Variants in HERC5 observed in about 807,000 individuals in gnomAD.
HERC5 encodes the protein E3 ISG15--protein ligase HERC5.
A neutral mutation model predicts 119.6 loss-of-function variants in HERC5; 99 were observed. The ratio of observed to expected loss-of-function variants is 0.83; its 90% CI spans 0.70 to 0.98. The LOEUF is 0.98. Ranked by LOEUF, HERC5 falls within the 50% of genes least tolerant of loss-of-function variation. The pLI is 0.00. For synonymous variants in HERC5, 478 were observed against 445.9 expected, an observed-to-expected ratio of 1.07 and a Z score of -0.91; for missense variants, 1,267 against 1,241.3, an observed-to-expected ratio of 1.02 and a Z score of -0.31.
intron 20 of HERC5, among the ~76,000 whole-genome samples, chr4:88,503,005 G>A (rs771140568): frequency 1.3e-4 from 19 of 151,870 alleles, no homozygotes; most frequent in Admixed American, 5.2e-4. Flanking sequence ...ATTTGTAATT[G>A]TAATGTAGTC....
At chr4:88,488,513 G>A (rs1301027944) in intron 15 of HERC5, among the ~76,000 whole-genome samples, 2 of 152,024 alleles carry the variant, frequency 1.3e-5, no homozygotes, top group African/African-American at 4.8e-5. Flanking sequence ...ATTAACAGGC[G>A]TGAGCCACCG....
rs780439103 is a variant in HERC5 at position 88,470,630 on chromosome 4, T to G, written c.1255T>G (p.Phe419Val). ...QSTKREIQEI[F>V]SSPACLTGSF... ...CTAATATAGGGAAATCCAAGAGATA[T>G]TTTCATCTCCTGCTTGTCTAACTGG... Residue 419 changes from phenylalanine (F) to valine (V), a missense_variant, in exon 10 of 23, where the codon TTT becomes GTT. This residue lies in a region of HERC5 where 777 missense variants were observed against 758.0 expected (regional missense o/e 1.03). Transcript: ENST00000264350. The G allele has an allele frequency of 1.3e-6, 2 of 1,512,424 alleles. No individual in the cohort carries two copies. The highest frequency in any genetic ancestry group is 1.8e-6 in the Non-Finnish European group (2 of 1,092,880). 93.7% of individuals were successfully genotyped at this position (1,512,424 alleles called of 1,614,324 possible).
Position 88,489,176 on chromosome 4 carries a change from A to G in HERC5, c.1973A>G (p.His658Arg), listed in dbSNP as rs200086017. 27 of 1,608,806 alleles carry G rather than the reference A, an allele frequency of 1.7e-5. No individual in the cohort carries two copies. The highest frequency in any genetic ancestry group is 6.7e-5 in the South Asian group (6 of 89,682). ...TTTCTGTTTTCCTAGAGTAAAAAAC[A>G]TAAAGCTTATCTTAGGTCGGCAGCA... ...DTLLKIESKKHKAYLRSAAIE... is the reference protein window; with the variant it reads ...DTLLKIESKKRKAYLRSAAIE... Residue 658 changes from histidine (H) to arginine (R), a missense_variant, in exon 16 of 23, where the codon CAT becomes CGT. His to Arg is a conservative substitution (Grantham distance 29). Coordinates refer to ENST00000264350, the MANE Select transcript of HERC5 (RefSeq NM_016323.4).
chr4:88,503,835 G>A (rs1250617666), intron 20 of HERC5, among the ~76,000 whole-genome samples: 1 of 152,140 alleles, frequency 6.6e-6, no homozygotes, highest in Non-Finnish European at 1.5e-5. Context: ...GGGAGGCCGA[G>A]GCAGGCAAAT....
In HERC5 at chr4:88,471,533, G is replaced by T. The variant is rs527395255; in HGVS notation, c.1298+860G>T. ...TTTTTTAGCTTTTGTAAAGACAGCA[G>T]CTTTGCTATGTTGCCCAGGCTGGTC... On this transcript the variant is annotated intron_variant, in intron 10 of 22. Transcript: ENST00000264350. Among the ~76,000 whole-genome samples, 9 of 151,382 alleles carry T rather than the reference G, an allele frequency of 5.9e-5. No homozygotes were observed. In the East Asian group the frequency reaches 6.0e-4, roughly 10 times the overall value.
rs1213235932 is a variant in HERC5, at chr4:88,506,065, C to T, written c.*187C>T. ...GAGGGTTTACTGGCCGGTTAGAACCCGTGACTGTATTCTCTCCCTTGGATA... is the reference window on the plus strand; with the variant it reads ...GAGGGTTTACTGGCCGGTTAGAACCTGTGACTGTATTCTCTCCCTTGGATA... On this transcript the variant is annotated 3_prime_UTR_variant, in exon 23 of 23. Coordinates refer to ENST00000264350, the MANE Select transcript of HERC5 (RefSeq NM_016323.4). 1.5e-5 allele frequency: 9 copies of T among 589,078 alleles called. No homozygotes were observed. The highest frequency in any genetic ancestry group is 2.1e-5 in the Non-Finnish European group (7 of 333,062). The allele number at this position is 589,078 out of a possible 1,614,324, so 36.5% of individuals were successfully genotyped here. A position where few individuals can be genotyped will look rare whatever the true frequency, so the allele number is the denominator to read the frequency against.
At chr4:88,471,791 G>A (rs1220751031) in intron 10 of HERC5, among the ~76,000 whole-genome samples, 2 of 151,990 alleles carry the variant, frequency 1.3e-5, no homozygotes, top group Non-Finnish European at 2.9e-5. Flanking sequence ...TCCATTTAAC[G>A]GGAAGAAATG....
intron 12 of HERC5, among the ~76,000 whole-genome samples, chr4:88,477,547 GGGGGAGGGGAAGGGGAAGGGA>G (rs1412831175): frequency 9.9e-6 from 1 of 100,824 alleles, no homozygotes; most frequent in African/African-American, 3.8e-5. Flanking sequence ...AAGGGGAAGT[GGGGGAGGGGAAGGGGAAGGGA>G]GGGGAGGGGA....
At chr4:88,469,041 G>A in intron 8 of HERC5, 116 bp from the exon 9 acceptor site, 1 of 628,138 alleles carries the variant, frequency 1.6e-6, no homozygotes, top group Non-Finnish European at 2.8e-6. Flanking sequence ...GATTGTCCCA[G>A]GGCTGTATTA....
At chr4:88,475,515 C>T (rs1318399891) in intron 11 of HERC5, among the ~76,000 whole-genome samples, 1 of 151,936 alleles carries the variant, frequency 6.6e-6, no homozygotes, top group Non-Finnish European at 1.5e-5. Flanking sequence ...GACAGGGTTT[C>T]ACCATGTTGG....
Position 88,469,295 on chromosome 4 carries a change from C to A in HERC5, c.1238+35C>A, listed in dbSNP as rs774700186. On this transcript the variant is annotated intron_variant, in intron 9 of 22. Transcript: ENST00000264350. ...ACAGTCTGACTCTCTGCTTATATATCACTCTCAAGTATCATTTCCCAAACT... is the reference window on the plus strand; with the variant it reads ...ACAGTCTGACTCTCTGCTTATATATAACTCTCAAGTATCATTTCCCAAACT... The A allele has an allele frequency of 1.2e-5, 16 of 1,373,266 alleles. No homozygotes were observed. In the South Asian group the frequency reaches 1.6e-4, roughly 14 times the overall value. The allele number at this position is 1,373,266 out of a possible 1,614,324, so 85.1% of individuals were successfully genotyped here.
In HERC5 at chr4:88,487,110, C is replaced by T. The variant is rs1360430152; in HGVS notation, c.1893C>T (p.His631=). Residue 631 remains histidine, a synonymous_variant, in exon 15 of 23, where the codon CAC becomes CAT. Coordinates refer to ENST00000264350, the MANE Select transcript of HERC5 (RefSeq NM_016323.4). Reference sequence around the variant, plus strand: ...TACAATGCTGCGTCATATTCAGTCACTTTCCATTTATCTTTAATAATCTGT... The same window carrying T: ...TACAATGCTGCGTCATATTCAGTCATTTTCCATTTATCTTTAATAATCTGT... ...ENVQCCVIFS[H]FPFIFNNLSK... 1 of 1,611,878 alleles carries T rather than the reference C, an allele frequency of 6.2e-7. No homozygotes were observed. The highest frequency in any genetic ancestry group is 8.5e-7 in the Non-Finnish European group (1 of 1,178,812).
In HERC5 at chr4:88,499,680, A is replaced by G. The variant is rs868343540; in HGVS notation, c.2445-246A>G. 3.3e-5 allele frequency among the ~76,000 whole-genome samples: 5 copies of G among 152,360 alleles called. No individual in the cohort carries two copies. In the South Asian group the frequency reaches 8.3e-4, roughly 25 times the overall value. On this transcript the variant is annotated intron_variant, in intron 18 of 22. Transcript: ENST00000264350. The stretch of plus-strand genomic sequence containing the variant: ...CTACAATCATTAGGTAGGGAATTTA[A>G]GGTAAAGGAACAAGAGCTGTGAAGC...
rs202082513 is a variant in HERC5, at chr4:88,500,017, C to T, written c.2511+25C>T. ...TGTGAGTAACAATAAAAGCAGATAA[C>T]AGATTAGTTTTAATCTGATTAACCC... On this transcript the variant is annotated intron_variant, in intron 19 of 22. Coordinates refer to ENST00000264350, the MANE Select transcript of HERC5 (RefSeq NM_016323.4). 611 of 1,438,084 alleles carry T rather than the reference C, an allele frequency of 4.2e-4. 5 individuals carry two copies. The highest frequency in any genetic ancestry group is 2.2e-4 in the Admixed American group (13 of 59,338). The allele number at this position is 1,438,084 out of a possible 1,614,324, so 89.1% of individuals were successfully genotyped here.
intron 18 of HERC5, 136 bp downstream of exon 18, chr4:88,494,467 A>G: frequency 1.4e-6 from 1 of 728,982 alleles, no homozygotes; most frequent in East Asian, 2.8e-5. Context: ...AACTTTGACA[A>G]GAATTGTTGG....
At chr4:88,471,248 G>A (rs1431137289) in intron 10 of HERC5, among the ~76,000 whole-genome samples, 1 of 152,042 alleles carries the variant, frequency 6.6e-6, no homozygotes, top group Non-Finnish European at 1.5e-5. Flanking sequence ...GGGATTTCAG[G>A]TGTAAGCCAC....
chr4:88,471,448 C>A (rs2149092818), intron 10 of HERC5, among the ~76,000 whole-genome samples: 1 of 152,094 alleles, frequency 6.6e-6, no homozygotes. Context: ...TCAAGCAAAA[C>A]TCCCACCTTA....
At chr4:88,462,466 T>C (rs1740478547) in intron 4 of HERC5, 110 bp downstream of exon 4, 3 of 838,152 alleles carry the variant, frequency 3.6e-6, no homozygotes, top group Non-Finnish European at 3.8e-6. Flanking sequence ...TTTTCACTGC[T>C]CTTCCTGATT....
At chr4:88,503,062 A>G (rs914185795) in intron 20 of HERC5, among the ~76,000 whole-genome samples, 1 of 151,958 alleles carries the variant, frequency 6.6e-6, no homozygotes, top group Non-Finnish European at 1.5e-5. Context: ...TCTGTTTTCT[A>G]TTTTATGAAT....
Sources: allele counts gnomAD v4.1 joint callset (sites outside exome capture counted in the v4.1 genomes callset), GRCh38; gene constraint gnomAD v4.1.1; regional missense constraint gnomAD v4.1.1; transcripts MANE v1.5; gene names NCBI Gene and HGNC (gene_info 2026-07-23, HGNC 2026-07-21).